SLC37A3: variants seen among roughly 807,000 people sequenced by gnomAD.
SLC37A3 encodes solute carrier family 37 member 3.
SLC37A3 carries 51 observed loss-of-function variants against 67.1 expected under a neutral mutation model. The ratio of observed to expected loss-of-function variants is 0.76; its 90% CI spans 0.61 to 0.96. The LOEUF (loss-of-function observed/expected upper bound fraction) is 0.96, where lower values mean the gene tolerates loss of function less well. Among genes scored for constraint, SLC37A3 ranks in the 40% least tolerant of loss-of-function variants. SLC37A3 has a pLI of 0.00. For missense variants in SLC37A3, 508 were observed against 603.0 expected (o/e 0.84, Z 1.65); for synonymous variants, 214 against 231.4 (o/e 0.92, Z 0.68).
rs147486377 is a variant in SLC37A3 at position 140,342,398 on chromosome 7, C to T, written c.1326+1014G>A. 5.0e-3 allele frequency among the ~76,000 whole-genome samples: 763 copies of T among 152,292 alleles called. 5 individuals are homozygous for T. The highest frequency in any genetic ancestry group is 0.024 in the Middle Eastern group (7 of 294). On this transcript the variant is annotated intron_variant, in intron 13 of 14. Transcript: ENST00000326232. ...CTCTACATCCATGACCTTACTAACG[C>T]CTTCTCAAACGCAGTTCCCTTGACT...
chr7:140,351,056 A>G lies in SLC37A3; in HGVS notation c.882+217T>C, dbSNP rs183117749. On this transcript the variant is annotated intron_variant, in intron 9 of 14. Transcript: ENST00000326232. ...ACTGGATGGTTCCCCGAAGTCAAAA[A>G]TATTTATTCTCTGCCTCTTCATGGA... Among the ~76,000 whole-genome samples, 18 of 152,330 alleles carry G rather than the reference A, an allele frequency of 1.2e-4. No homozygotes were observed. In the East Asian group the frequency reaches 3.3e-3, roughly 28 times the overall value.
intron 10 of SLC37A3, 27 bp downstream of exon 10, chr7:140,348,599 T>G (rs750876780): frequency 3.2e-6 from 5 of 1,583,118 alleles, no homozygotes; most frequent in Non-Finnish European, 4.3e-6. Context: ...AACTCTTTAT[T>G]ATGGAAAAGA....
In SLC37A3 at chr7:140,334,598, A is replaced by G. The variant is rs985844118; in HGVS notation, c.*814T>C. ...TCTGGGATGGAGTGCTTCGGCTGTG[A>G]GTTACACGTCGGAATGTTCAAGATA... On this transcript the variant is annotated 3_prime_UTR_variant, in exon 15 of 15. Transcript: ENST00000326232. 6.6e-6 allele frequency: 1 copy of G among 152,658 alleles called. No individual in the cohort carries two copies. The highest frequency in any genetic ancestry group is 2.4e-5 in the African/African-American group (1 of 41,438). 9.5% of individuals were successfully genotyped at this position (152,658 alleles called of 1,614,324 possible).
chr7:140,363,995 GCCTGTAATC>G (rs1360374011), intron 5 of SLC37A3, among the ~76,000 whole-genome samples: 1 of 152,210 alleles, frequency 6.6e-6, no homozygotes, highest in African/African-American at 2.4e-5. Flanking sequence ...AGTGGCTCAT[GCCTGTAATC>G]CCAGCACTTT....
At chr7:140,390,044 A>G (rs1798664578) in intron 1 of SLC37A3, among the ~76,000 whole-genome samples, 1 of 152,130 alleles carries the variant, frequency 6.6e-6, no homozygotes, top group African/African-American at 2.4e-5. Context: ...AGCTATGATG[A>G]TGCCACCACA....
chr7:140,366,224 G>A (rs1797597129), intron 4 of SLC37A3, among the ~76,000 whole-genome samples: 2 of 151,970 alleles, frequency 1.3e-5, no homozygotes. Context: ...AAGTTTTAGA[G>A]ATAAGTCAAT....
At position 140,377,217 on chromosome 7, in the gene SLC37A3, T is replaced by G. The variant is rs527535444; in HGVS notation, c.198+3065A>C. Among the ~76,000 whole-genome samples the G allele has an allele frequency of 1.2e-3, 179 of 151,998 alleles. 1 individual carries two copies. The highest frequency in any genetic ancestry group is 3.4e-3 in the Middle Eastern group (1 of 294). ...GCCTCGGCCTCCCAAAGTGTTTTTT[T>G]TTTTGTTTTGTTTTTGTTTTCATTT... On this transcript the variant is annotated intron_variant, in intron 3 of 14. Coordinates refer to ENST00000326232, the MANE Select transcript of SLC37A3 (RefSeq NM_207113.3).
chr7:140,391,909 A>C (rs1798739937), intron 1 of SLC37A3, among the ~76,000 whole-genome samples: 1 of 152,174 alleles, frequency 6.6e-6, no homozygotes, highest in South Asian at 2.1e-4. Context: ...CCTTGCAGTC[A>C]GCTCCTCTCT....
intron 4 of SLC37A3, 45 bp from the exon 5 acceptor site, chr7:140,364,536 G>A (rs1420326328): frequency 6.4e-6 from 10 of 1,554,904 alleles, no homozygotes; most frequent in Admixed American, 1.7e-5. Flanking sequence ...TAATAACACA[G>A]TATGAAAAAG....
At chr7:140,387,644 T>C (rs1326093046) in intron 1 of SLC37A3, among the ~76,000 whole-genome samples, 1 of 116,422 alleles carries the variant, frequency 8.6e-6, no homozygotes, top group Non-Finnish European at 1.7e-5. Context: ...TAAATATAAA[T>C]ATATATATTA....
intron 14 of SLC37A3, among the ~76,000 whole-genome samples, chr7:140,336,121 C>T (rs1486115483): frequency 1.3e-5 from 2 of 152,230 alleles, no homozygotes; most frequent in East Asian, 3.8e-4. Context: ...GTAGACCTGT[C>T]TTGAGCACTG....
intron 1 of SLC37A3, among the ~76,000 whole-genome samples, chr7:140,393,955 G>C (rs1193078603): frequency 6.6e-6 from 1 of 151,806 alleles, no homozygotes. Context: ...CAGACGGCTT[G>C]AGCCCACGAG....
At position 140,392,030 on chromosome 7, in the gene SLC37A3, C is replaced by G. The variant is rs566527187; in HGVS notation, c.-71+6386G>C. Among the ~76,000 whole-genome samples the G allele has an allele frequency of 2.0e-4, 31 of 152,316 alleles. No homozygotes were observed. The South Asian group carries it at 6.0e-3, about 30-fold the overall frequency. ...TAAATTCTTCTCACTGCCTACACCACCAGCCCAGATAGTCACTGATCACCT... is the reference window on the plus strand; with the variant it reads ...TAAATTCTTCTCACTGCCTACACCAGCAGCCCAGATAGTCACTGATCACCT... On this transcript the variant is annotated intron_variant, in intron 1 of 14. Coordinates refer to ENST00000326232, the MANE Select transcript of SLC37A3 (RefSeq NM_207113.3).
chr7:140,384,684 ACTCCAGC>A, intron 1 of SLC37A3, among the ~76,000 whole-genome samples: 1 of 152,138 alleles, frequency 6.6e-6, no homozygotes, highest in East Asian at 1.9e-4. Context: ...GCACCATTGC[ACTCCAGC>A]CTGTACCACA....
chr7:140,358,361 A>C (rs1417611227), intron 6 of SLC37A3, among the ~76,000 whole-genome samples: 8 of 152,194 alleles, frequency 5.3e-5, no homozygotes, highest in African/African-American at 1.9e-4. Flanking sequence ...ACGATGAGTA[A>C]AATAAAAAAT....
At chr7:140,388,560 C>T (rs891182026) in intron 1 of SLC37A3, among the ~76,000 whole-genome samples, 13 of 152,096 alleles carry the variant, frequency 8.5e-5, no homozygotes, top group Admixed American at 3.3e-4. Flanking sequence ...CGTCTGGAAT[C>T]CCAGCACTTT....
intron 13 of SLC37A3, among the ~76,000 whole-genome samples, chr7:140,338,478 C>G (rs140853068): frequency 2.6e-5 from 4 of 151,604 alleles, no homozygotes; most frequent in Non-Finnish European, 5.9e-5. Flanking sequence ...GAACTTCACT[C>G]CTTTTTTTTT....
chr7:140,360,414 T>C (rs1419039900), intron 5 of SLC37A3, among the ~76,000 whole-genome samples: 1 of 152,038 alleles, frequency 6.6e-6, no homozygotes, highest in Non-Finnish European at 1.5e-5. Flanking sequence ...AATTCCTGAC[T>C]AGAAGCTAGT....
chr7:140,346,807 T>C (rs1796578628), intron 10 of SLC37A3, among the ~76,000 whole-genome samples: 1 of 152,136 alleles, frequency 6.6e-6, no homozygotes, highest in Non-Finnish European at 1.5e-5. Flanking sequence ...GGTAGGAGGA[T>C]GGCTTGAGCC....
Sources: gnomAD v4.1 joint callset for allele counts (sites outside exome capture counted in the v4.1 genomes callset) on GRCh38, gnomAD v4.1.1 for gene constraint, MANE v1.5 for transcripts, NCBI Gene and HGNC (gene_info 2026-07-23, HGNC 2026-07-21) for gene names.